Variants in ADCY9 observed in about 807,000 individuals in gnomAD.
The protein encoded by ADCY9 is adenylate cyclase type 9.
In ADCY9, 50 loss-of-function variants were observed where a neutral mutation model predicts 101.5. The ratio of observed to expected loss-of-function variants is 0.49; its 90% CI spans 0.39 to 0.62. The LOEUF is 0.62. Among genes scored for constraint, ADCY9 ranks in the 20% least tolerant of loss-of-function variants. ADCY9 has a pLI of 0.00. For missense variants in ADCY9, 1,662 were observed against 1,800.4 expected (o/e 0.92, Z 1.39); for synonymous variants, 905 against 769.3 (o/e 1.18, Z -2.92).
chr16:3,967,388 T>C (rs2056008874), intron 10 of ADCY9, among the ~76,000 whole-genome samples: 1 of 152,096 alleles, frequency 6.6e-6, no homozygotes, highest in South Asian at 2.1e-4. Context: ...AAAAATCTTT[T>C]CTTTTCTCTC....
At chr16:4,097,617 A>C (rs1353746824) in intron 2 of ADCY9, among the ~76,000 whole-genome samples, 1 of 137,428 alleles carries the variant, frequency 7.3e-6, no homozygotes, top group African/African-American at 2.7e-5. Flanking sequence ...GCAGGGGCGC[A>C]ATCTCAGCAA....
intron 2 of ADCY9, among the ~76,000 whole-genome samples, chr16:4,109,964 G>A (rs1440115058): frequency 6.6e-6 from 1 of 151,882 alleles, no homozygotes; most frequent in East Asian, 1.9e-4. Flanking sequence ...ACAATCGTCC[G>A]CCCCCACAGA....
At chr16:4,041,530 A>AAAG (rs1173372401) in intron 2 of ADCY9, among the ~76,000 whole-genome samples, 3 of 121,156 alleles carry the variant, frequency 2.5e-5, no homozygotes, top group African/African-American at 9.5e-5. Flanking sequence ...AAAAAAAAAG[A>AAAG]GGCTCTTTCT....
intron 2 of ADCY9, among the ~76,000 whole-genome samples, chr16:4,057,301 A>T (rs2056746464): frequency 6.6e-6 from 1 of 151,858 alleles, no homozygotes; most frequent in Non-Finnish European, 1.5e-5. Flanking sequence ...TTTTAATAAC[A>T]GCTTTATTGA....
chr16:4,059,120 T>C (rs558838460), intron 2 of ADCY9, among the ~76,000 whole-genome samples: 2 of 152,128 alleles, frequency 1.3e-5, no homozygotes, highest in Non-Finnish European at 1.5e-5. Flanking sequence ...GCACGATGGC[T>C]CACGCCTTTA....
intron 2 of ADCY9, among the ~76,000 whole-genome samples, chr16:4,009,373 A>G (rs1489862279): frequency 6.6e-6 from 1 of 152,144 alleles, no homozygotes; most frequent in Non-Finnish European, 1.5e-5. Flanking sequence ...CTATAGCCTC[A>G]GCCTCCTGAG....
intron 10 of ADCY9, among the ~76,000 whole-genome samples, chr16:3,968,313 G>A (rs1331822868): frequency 6.6e-6 from 1 of 151,852 alleles, no homozygotes; most frequent in Admixed American, 6.6e-5. Context: ...TGTATTTTTA[G>A]TAGAGACGGG....
In ADCY9 at chr16:3,992,814, G is replaced by T. The variant is rs1051427273; in HGVS notation, c.1990-451C>A. The stretch of plus-strand genomic sequence containing the variant: ...GGATGGAAACGGGCTCGTGTCGTGG[G>T]TGTCCCCCGTGGCTGTGGGAAGGCA... On this transcript the variant is annotated intron_variant, in intron 4 of 10. Transcript: ENST00000294016. The surrounding 1 kb of genome is among the most constrained non-coding windows in gnomAD (Gnocchi z 4.2). Among the ~76,000 whole-genome samples, 1 of 152,134 alleles carries T rather than the reference G, an allele frequency of 6.6e-6. No individual in the cohort carries two copies. Among genetic ancestry groups the T allele is most frequent in the East Asian group, 1.9e-4 (1 of 5,180 alleles).
At chr16:4,094,117 A>C (rs2056989023) in intron 2 of ADCY9, among the ~76,000 whole-genome samples, 1 of 152,210 alleles carries the variant, frequency 6.6e-6, no homozygotes, top group Non-Finnish European at 1.5e-5. Context: ...AATTATGTTA[A>C]TCCAGCTGAG....
intron 2 of ADCY9, among the ~76,000 whole-genome samples, chr16:4,100,045 G>A (rs1481026938): frequency 6.6e-6 from 1 of 152,156 alleles, no homozygotes; most frequent in Non-Finnish European, 1.5e-5. Context: ...TGTGTCGAGG[G>A]AGGGACCTGG....
intron 2 of ADCY9, among the ~76,000 whole-genome samples, chr16:4,048,890 A>G (rs2056683085): frequency 6.6e-6 from 1 of 152,114 alleles, no homozygotes; most frequent in East Asian, 1.9e-4. Flanking sequence ...AGAGCCAGGA[A>G]TGTCCCCATC....
chr16:4,097,485 T>C (rs55928604), intron 2 of ADCY9, among the ~76,000 whole-genome samples: 43,041 of 72,940 alleles, frequency 0.59, 10,556 homozygotes, highest in South Asian at 0.67. Context: ...TATATATATA[T>C]ATACACACAC....
intron 2 of ADCY9, among the ~76,000 whole-genome samples, chr16:4,104,860 C>A (rs1015312353): frequency 7.9e-5 from 12 of 151,970 alleles, no homozygotes; most frequent in Admixed American, 7.9e-4. Flanking sequence ...AAACCTCAGC[C>A]GTGGGTCGGG....
intron 6 of ADCY9, among the ~76,000 whole-genome samples, chr16:3,985,542 G>C (rs531836327): frequency 1.3e-5 from 2 of 152,110 alleles, no homozygotes; most frequent in Non-Finnish European, 2.9e-5. Flanking sequence ...TCAGGGGTTC[G>C]AGTCAGGGCC....
At chr16:3,990,566 C>A (rs1054475123) in intron 5 of ADCY9, among the ~76,000 whole-genome samples, 2 of 152,094 alleles carry the variant, frequency 1.3e-5, no homozygotes, top group African/African-American at 4.8e-5. Context: ...CCTGTCCTTG[C>A]AGCACGGCGG....
At chr16:3,954,877 C>T (rs143391791) in intron 5 of ADCY9, among the ~76,000 whole-genome samples, 65 of 152,220 alleles carry the variant, frequency 4.3e-4, no homozygotes, top group African/African-American at 1.4e-3. Context: ...TTAACTATCC[C>T]GAGGTAGAGG....
intron 2 of ADCY9, among the ~76,000 whole-genome samples, chr16:4,029,226 G>A (rs867444217): frequency 6.6e-6 from 1 of 152,088 alleles, no homozygotes. Flanking sequence ...ATAGTTTCAT[G>A]ACCTCAGAAG....
rs558522099 is a variant in ADCY9 at position 3,972,647 on chromosome 16, G to A, written c.2870+2022C>T. Among the ~76,000 whole-genome samples, 36 of 152,262 alleles carry A rather than the reference G, an allele frequency of 2.4e-4. 1 individual carries two copies. The highest frequency in any genetic ancestry group is 8.7e-4 in the African/African-American group (36 of 41,550). The stretch of plus-strand genomic sequence containing the variant: ...CATGGAGAAGAGGGATTGAAAAACT[G>A]AAAAAAATAGAAAGCAAACATCACT... On this transcript the variant is annotated intron_variant, in intron 10 of 10. Coordinates refer to ENST00000294016, the MANE Select transcript of ADCY9 (RefSeq NM_001116.4).
At chr16:4,112,812 AAGG>A (rs1341377753) in intron 2 of ADCY9, among the ~76,000 whole-genome samples, 3 of 152,172 alleles carry the variant, frequency 2.0e-5, no homozygotes. Flanking sequence ...ACTGTTTAAA[AAGG>A]AGGAAGTGGG....
Sources: gnomAD v4.1 joint callset for allele counts (sites outside exome capture counted in the v4.1 genomes callset) on GRCh38, gnomAD v4.1.1 for gene constraint, Gnocchi (gnomAD v3.1) non-coding constraint, MANE v1.5 for transcripts, NCBI Gene and HGNC (gene_info 2026-07-23, HGNC 2026-07-21) for gene names.